Variants in DOCK1 observed in about 807,000 individuals in gnomAD.
DOCK1 encodes the protein dedicator of cytokinesis 1.
DOCK1 carries 138 observed loss-of-function variants against 262.7 expected under a neutral mutation model. The ratio of observed to expected loss-of-function variants is 0.53; its 90% CI spans 0.46 to 0.61. DOCK1 has a LOEUF of 0.61. DOCK1 is among the 20% of genes least tolerant of loss of function. DOCK1 has a pLI of 0.00. For synonymous variants in DOCK1, 866 were observed against 867.4 expected (o/e 1.00, Z 0.03); for missense variants, 1,908 against 2,370.7 (o/e 0.80, Z 4.05).
intron 12 of DOCK1, chr10:127,015,126 T>C (rs760700421): frequency 1.6e-4 from 25 of 151,796 alleles, no homozygotes; most frequent in Non-Finnish European, 3.7e-4. Flanking sequence ...GGTTCTTCCT[T>C]CTTCAAACTC....
chr10:126,918,983 G>GGTGCAGATGGGC (rs1554955675), intron 1 of DOCK1, among the ~76,000 whole-genome samples: 27 of 151,842 alleles, frequency 1.8e-4, no homozygotes, highest in East Asian at 7.8e-4. Context: ...AGAAAGCCGA[G>GGTGCAGATGGGC]AGGGAGTGTG....
At chr10:127,381,957 G>T (rs917306650) in intron 37 of DOCK1, among the ~76,000 whole-genome samples, 3 of 105,988 alleles carry the variant, frequency 2.8e-5, no homozygotes, top group Non-Finnish European at 5.8e-5. Context: ...TTACAGTGAC[G>T]TATGGATGGA....
At chr10:127,097,143 T>G (rs960868649) in intron 23 of DOCK1, among the ~76,000 whole-genome samples, 2 of 152,188 alleles carry the variant, frequency 1.3e-5, no homozygotes, top group Non-Finnish European at 2.9e-5. Context: ...TTCTTTAACC[T>G]GAAGTATTTC....
rs541720164 is a variant in DOCK1 at position 127,095,724 on chromosome 10, G to A, written c.2446-10507G>A. ...AATGGACAGGATCCAGAGATGCTGAGAGCAGTCCTGCACAGTGAAGACAGT... is the reference window on the plus strand; with the variant it reads ...AATGGACAGGATCCAGAGATGCTGAAAGCAGTCCTGCACAGTGAAGACAGT... On this transcript the variant is annotated intron_variant, in intron 23 of 51. Coordinates refer to ENST00000623213, the MANE Select transcript of DOCK1 (RefSeq NM_001290223.2). 8.2e-4 allele frequency among the ~76,000 whole-genome samples: 124 copies of A among 152,120 alleles called. No individual in the cohort carries two copies. The Middle Eastern group carries it at 0.01, about 13-fold the overall frequency.
chr10:127,321,110 T>C (rs2062499691), intron 29 of DOCK1, among the ~76,000 whole-genome samples: 1 of 152,146 alleles, frequency 6.6e-6, no homozygotes, highest in African/African-American at 2.4e-5. Context: ...GCGCCCTTGC[T>C]GTTAAGTGCT....
intron 44 of DOCK1, among the ~76,000 whole-genome samples, chr10:127,417,318 G>A (rs1237156473): frequency 3.3e-5 from 5 of 152,208 alleles, no homozygotes; most frequent in Non-Finnish European, 4.4e-5. Flanking sequence ...ACCCAGCCAC[G>A]TTGCCCTGGC....
intron 23 of DOCK1, among the ~76,000 whole-genome samples, chr10:127,088,914 C>T (rs536692691): frequency 6.6e-6 from 1 of 152,072 alleles, no homozygotes; most frequent in Non-Finnish European, 1.5e-5. Context: ...GTGATACGGC[C>T]CCACCGCTGC....
At chr10:127,211,632 G>C (rs2057979494) in intron 27 of DOCK1, among the ~76,000 whole-genome samples, 2 of 152,200 alleles carry the variant, frequency 1.3e-5, no homozygotes, top group Admixed American at 6.5e-5. Flanking sequence ...CTTCATAGCA[G>C]AAATTATGGA....
intron 1 of DOCK1, among the ~76,000 whole-genome samples, chr10:126,930,928 C>T (rs1228542860): frequency 1.3e-5 from 2 of 152,130 alleles, no homozygotes; most frequent in Non-Finnish European, 2.9e-5. Context: ...GAAAGGGGAG[C>T]TGATAGAGGA....
chr10:127,030,499 C>G (rs2043165206), intron 16 of DOCK1, among the ~76,000 whole-genome samples: 1 of 152,204 alleles, frequency 6.6e-6, no homozygotes. Context: ...TATGTGCTGT[C>G]CAGCTTCTCA....
At chr10:127,045,774 C>T (rs2044307661) in intron 21 of DOCK1, among the ~76,000 whole-genome samples, 1 of 152,132 alleles carries the variant, frequency 6.6e-6, no homozygotes. Context: ...TTGGGGGCTG[C>T]TCTTCCATAA....
intron 1 of DOCK1, among the ~76,000 whole-genome samples, chr10:126,963,640 C>CTCCTTCCTTCCT (rs1229446126): frequency 1.5e-5 from 1 of 65,098 alleles, no homozygotes; most frequent in Admixed American, 1.9e-4. Flanking sequence ...CTTCCCTTCC[C>CTCCTTCCTTCCT]TCCTTCCTTC....
At chr10:127,366,731 C>A (rs2064938089) in intron 33 of DOCK1, among the ~76,000 whole-genome samples, 2 of 152,180 alleles carry the variant, frequency 1.3e-5, no homozygotes. Context: ...AGGGTTGGCC[C>A]CACCTGCTTC....
rs1212800068 is a variant in DOCK1, at chr10:126,929,163, T to C, written c.46+23600T>C. On this transcript the variant is annotated intron_variant, in intron 1 of 51. Transcript: ENST00000623213. ...AGAGCCTCTTATGGGCTACATTCCA[T>C]TGACCTGGAATCCCAGAGGGTTAAG... Among the ~76,000 whole-genome samples, 13 of 152,300 alleles carry C rather than the reference T, an allele frequency of 8.5e-5. No homozygotes were observed. The East Asian group carries it at 2.3e-3, about 27-fold the overall frequency.
intron 29 of DOCK1, among the ~76,000 whole-genome samples, chr10:127,330,718 C>T (rs1037636896): frequency 2.0e-5 from 3 of 152,204 alleles, no homozygotes; most frequent in Non-Finnish European, 2.9e-5. Flanking sequence ...AGAGCAAGCA[C>T]TTCCAGGGAG....
rs1372868264 is a variant in DOCK1, at chr10:127,249,428, TATATAC to T, written c.2949+1321_2949+1326del. Among the ~76,000 whole-genome samples the T allele has an allele frequency of 8.0e-3, 472 of 59,156 alleles. 2 individuals are homozygous for T. Among genetic ancestry groups the T allele is most frequent in the African/African-American group, 0.022 (320 of 14,498 alleles). 38.8% of individuals were successfully genotyped at this position (59,156 alleles called of 152,430 possible). A position where few individuals can be genotyped will look rare whatever the true frequency, so the allele number is the denominator to read the frequency against. ...ACATATATATATACATGTACATATA[TATATAC>T]ACACACACACACACACACACACACA... On this transcript the variant is annotated intron_variant, in intron 28 of 51. Coordinates refer to ENST00000623213, the MANE Select transcript of DOCK1 (RefSeq NM_001290223.2).
chr10:127,370,128 G>A lies in DOCK1; in HGVS notation c.3433-3653G>A, dbSNP rs73386535. On this transcript the variant is annotated intron_variant, in intron 33 of 51. Coordinates refer to ENST00000623213, the MANE Select transcript of DOCK1 (RefSeq NM_001290223.2). Reference sequence around the variant, plus strand: ...GTTTCATCAGATTGGCCCCGACCCAGGGAGAGAAGGCAGAGAGAGTCTGAT... The same window carrying A: ...GTTTCATCAGATTGGCCCCGACCCAAGGAGAGAAGGCAGAGAGAGTCTGAT... 8.0e-3 allele frequency among the ~76,000 whole-genome samples: 1,225 copies of A among 152,310 alleles called. 14 individuals are homozygous for A. The highest frequency in any genetic ancestry group is 0.028 in the African/African-American group (1,145 of 41,558).
Position 127,176,486 on chromosome 10 carries a change from C to T in DOCK1, c.2847+48722C>T, listed in dbSNP as rs567107963. 15 of 1,091,450 alleles carry T rather than the reference C, an allele frequency of 1.4e-5. No individual in the cohort carries two copies. Among genetic ancestry groups the T allele is most frequent in the African/African-American group, 4.7e-5 (3 of 64,230 alleles). The allele number at this position is 1,091,450 out of a possible 1,614,324, so 67.6% of individuals were successfully genotyped here. ...CCGCACAAACTTTTAGCCACCACGA[C>T]GACTGCCTGTTTCCTAATTATATTT... On this transcript the variant is annotated intron_variant, in intron 27 of 51. Coordinates refer to ENST00000623213, the MANE Select transcript of DOCK1 (RefSeq NM_001290223.2). The surrounding 1 kb of genome is among the most constrained non-coding windows in gnomAD (Gnocchi z 4.4).
At chr10:126,937,513 G>GTT (rs1252931098) in intron 1 of DOCK1, among the ~76,000 whole-genome samples, 35,304 of 144,878 alleles carry the variant, frequency 0.24, 4,521 homozygotes, top group African/African-American at 0.29. Flanking sequence ...GTTATTTTCT[G>GTT]TTTTTTTTTT....
Sources: gnomAD v4.1 joint callset for allele counts (sites outside exome capture counted in the v4.1 genomes callset) on GRCh38, gnomAD v4.1.1 for gene constraint, Gnocchi (gnomAD v3.1) non-coding constraint, MANE v1.5 for transcripts, NCBI Gene and HGNC (gene_info 2026-07-23, HGNC 2026-07-21) for gene names.